IMMP2L: variants seen among roughly 807,000 people sequenced by gnomAD.
The protein encoded by IMMP2L is mitochondrial inner membrane protease subunit 2.
A neutral mutation model predicts 19.3 loss-of-function variants in IMMP2L; 18 were observed. The observed-to-expected ratio is 0.93, with a 90% CI of 0.64 to 1.38. The LOEUF (loss-of-function observed/expected upper bound fraction) is 1.38, where lower values mean the gene tolerates loss of function less well. Among genes scored for constraint, IMMP2L ranks in the 40% most tolerant of loss-of-function variants. IMMP2L has a pLI of 0.00. For synonymous variants in IMMP2L, 76 were observed against 73.0 expected (o/e 1.04, Z -0.21); for missense variants, 233 against 218.2 (o/e 1.07, Z -0.43).
intron 4 of IMMP2L, among the ~76,000 whole-genome samples, chr7:110,952,751 A>G (rs928899440): frequency 1.3e-5 from 2 of 152,144 alleles, no homozygotes; most frequent in African/African-American, 4.8e-5. Context: ...TTCCCATCTT[A>G]GGTACCTCAG....
intron 3 of IMMP2L, chr7:111,100,034 C>T (rs1328575668): frequency 1.3e-5 from 2 of 151,768 alleles, no homozygotes; most frequent in African/African-American, 4.8e-5. Context: ...AATGGAGAAG[C>T]ATTTGCCCAA....
intron 4 of IMMP2L, among the ~76,000 whole-genome samples, chr7:110,954,035 T>C (rs10281135): frequency 0.041 from 6,267 of 152,192 alleles, 433 homozygotes; most frequent in African/African-American, 0.14. Context: ...CTTTTCAGTG[T>C]GACATAGACT....
At chr7:111,167,744 A>G (rs1335330849) in intron 3 of IMMP2L, among the ~76,000 whole-genome samples, 1 of 151,950 alleles carries the variant, frequency 6.6e-6, no homozygotes, top group African/African-American at 2.4e-5. Flanking sequence ...GCTGGTCCTA[A>G]GAACACAACA....
At chr7:110,888,708 T>A (rs549236009) in intron 4 of IMMP2L, among the ~76,000 whole-genome samples, 19 of 152,316 alleles carry the variant, frequency 1.2e-4, no homozygotes, top group Admixed American at 5.9e-4. Flanking sequence ...AAAATTTAAA[T>A]ATAGCCTTTA....
At chr7:111,542,132 T>TAG (rs1848552906) in intron 1 of IMMP2L, among the ~76,000 whole-genome samples, 1 of 152,108 alleles carries the variant, frequency 6.6e-6, no homozygotes, top group Admixed American at 6.5e-5. Flanking sequence ...GCTAATGGTA[T>TAG]AGTAAGGTTT....
intron 3 of IMMP2L, among the ~76,000 whole-genome samples, chr7:111,465,291 C>T (rs1310241421): frequency 6.6e-6 from 1 of 151,976 alleles, no homozygotes; most frequent in Non-Finnish European, 1.5e-5. Context: ...CATCAATCCC[C>T]TACCTGGGCT....
intron 3 of IMMP2L, among the ~76,000 whole-genome samples, chr7:111,063,838 T>G (rs919838360): frequency 6.6e-6 from 1 of 152,212 alleles, no homozygotes; most frequent in Non-Finnish European, 1.5e-5. Flanking sequence ...CTGGACCTTA[T>G]TTTTCATATC....
At chr7:111,249,850 C>G (rs1456982324) in intron 3 of IMMP2L, among the ~76,000 whole-genome samples, 3 of 152,044 alleles carry the variant, frequency 2.0e-5, no homozygotes, top group Non-Finnish European at 4.4e-5. Flanking sequence ...GAAAACAAGA[C>G]AAGGATGACC....
At chr7:111,189,029 T>C (rs1465547966) in intron 3 of IMMP2L, among the ~76,000 whole-genome samples, 1 of 152,048 alleles carries the variant, frequency 6.6e-6, no homozygotes, top group Non-Finnish European at 1.5e-5. Context: ...CTGCACCTAC[T>C]AGTACCGTTG....
intron 3 of IMMP2L, among the ~76,000 whole-genome samples, chr7:111,211,630 A>G (rs150715143): frequency 0.014 from 2,194 of 152,294 alleles, 36 homozygotes; most frequent in Admixed American, 0.038. Context: ...GGATTATTTG[A>G]ACACAAATTA....
chr7:111,402,916 T>C (rs1299258253), intron 3 of IMMP2L, among the ~76,000 whole-genome samples: 1 of 151,790 alleles, frequency 6.6e-6, no homozygotes, highest in Non-Finnish European at 1.5e-5. Flanking sequence ...CTTTCTTTTC[T>C]TTCTCTGAGA....
intron 3 of IMMP2L, among the ~76,000 whole-genome samples, chr7:111,005,032 G>T (rs1824143242): frequency 6.6e-6 from 1 of 152,126 alleles, no homozygotes; most frequent in Non-Finnish European, 1.5e-5. Context: ...GAACTACTCA[G>T]GAGCCCACCC....
chr7:111,404,272 A>G (rs1385580120), intron 3 of IMMP2L, among the ~76,000 whole-genome samples: 1 of 152,170 alleles, frequency 6.6e-6, no homozygotes, highest in East Asian at 1.9e-4. Context: ...AAATATTAGG[A>G]GTGTTCAGGG....
intron 4 of IMMP2L, among the ~76,000 whole-genome samples, chr7:110,937,278 A>C (rs1045702668): frequency 6.6e-6 from 1 of 152,192 alleles, no homozygotes; most frequent in Non-Finnish European, 1.5e-5. Flanking sequence ...GTGACTAGAG[A>C]TAAAGGTAGG....
At chr7:111,284,311 G>T (rs973826967) in intron 3 of IMMP2L, among the ~76,000 whole-genome samples, 1 of 152,136 alleles carries the variant, frequency 6.6e-6, no homozygotes, top group African/African-American at 2.4e-5. Context: ...ATCATAACTT[G>T]TGTTTCCATA....
intron 4 of IMMP2L, among the ~76,000 whole-genome samples, chr7:110,887,491 A>C (rs561646353): frequency 1.2e-4 from 19 of 152,154 alleles, no homozygotes; most frequent in African/African-American, 4.6e-4. Context: ...ATGCCTCTTG[A>C]CTTAGTTATT....
At chr7:111,174,896 A>G (rs1806867251) in intron 3 of IMMP2L, among the ~76,000 whole-genome samples, 1 of 151,838 alleles carries the variant, frequency 6.6e-6, no homozygotes, top group African/African-American at 2.4e-5. Context: ...ATTTTCCAAT[A>G]AAGAATATAA....
At chr7:111,285,324 A>G (rs1286379528) in intron 3 of IMMP2L, among the ~76,000 whole-genome samples, 1 of 152,122 alleles carries the variant, frequency 6.6e-6, no homozygotes, top group African/African-American at 2.4e-5. Flanking sequence ...ATAATCAGAA[A>G]TCATCATTTA....
At chr7:110,675,399 T>C (rs936763111) in intron 5 of IMMP2L, among the ~76,000 whole-genome samples, 3 of 152,014 alleles carry the variant, frequency 2.0e-5, no homozygotes, top group Non-Finnish European at 4.4e-5. Flanking sequence ...CCATAGTTTT[T>C]CTCCCCCCAA....
Sources: allele counts gnomAD v4.1 joint callset (sites outside exome capture counted in the v4.1 genomes callset), GRCh38; gene constraint gnomAD v4.1.1; transcripts MANE v1.5; gene names NCBI Gene and HGNC (gene_info 2026-07-23, HGNC 2026-07-21).